The following CNNM4 variants were observed in gnomAD, a reference collection of about 807,000 sequenced individuals.
CNNM4 encodes the protein cyclin and CBS domain divalent metal cation transport mediator 4.
A neutral mutation model predicts 53.7 loss-of-function variants in CNNM4; 32 were observed. That is an observed-to-expected ratio of 0.60 (90% CI 0.45 to 0.80). The LOEUF is 0.80. Among genes scored for constraint, CNNM4 ranks in the 30% least tolerant of loss-of-function variants. The pLI, the probability that CNNM4 is intolerant of heterozygous loss-of-function variation, is 0.00. For synonymous variants in CNNM4, 410 were observed against 440.0 expected (o/e 0.93, Z 0.85); for missense variants, 784 against 1,022.0 (o/e 0.77, Z 3.17).
intron 1 of CNNM4, among the ~76,000 whole-genome samples, chr2:96,769,488 C>T (rs567193177): frequency 5.2e-4 from 77 of 149,156 alleles, no homozygotes; most frequent in Non-Finnish European, 1.1e-3. Flanking sequence ...TAGCTTGAAT[C>T]GGGAGGCGGA....
Position 96,797,280 on chromosome 2 carries a change from G to A in CNNM4, c.1546+125G>A. On this transcript the variant is annotated intron_variant, in intron 2 of 6. Coordinates refer to ENST00000377075, the MANE Select transcript of CNNM4 (RefSeq NM_020184.4). This position sits in a 1 kb window ranked among gnomAD's most constrained non-coding sequence, Gnocchi z 6.0. ...CTAGCATCCAGAGGCCCAGTGGCTG[G>A]GTGCCCTGCACTGGCCGGGGTGAGC... 6.9e-7 allele frequency: 1 copy of A among 1,444,600 alleles called. No homozygotes were observed. The highest frequency in any genetic ancestry group is 9.6e-7 in the Non-Finnish European group (1 of 1,043,460). 89.5% of individuals were successfully genotyped at this position (1,444,600 alleles called of 1,614,324 possible). A position where few individuals can be genotyped will look rare whatever the true frequency, so the allele number is the denominator to read the frequency against.
intron 1 of CNNM4, among the ~76,000 whole-genome samples, chr2:96,774,354 A>AC (rs750898964): frequency 5.3e-5 from 8 of 152,188 alleles, no homozygotes; most frequent in Non-Finnish European, 1.2e-4. Flanking sequence ...GTTTGAGGTT[A>AC]CATGAGCTAT....
Position 96,806,528 on chromosome 2 carries a change from C to A in CNNM4, c.1949-2033C>A, listed in dbSNP as rs1341553496. On this transcript the variant is annotated intron_variant, in intron 5 of 6. Transcript: ENST00000377075. ...TCCAACACACACACACACACACACA[C>A]ACACACACGCGCGCGCGCGCGCGCG... 5.0e-4 allele frequency among the ~76,000 whole-genome samples: 72 copies of A among 143,880 alleles called. 1 individual carries two copies. Among genetic ancestry groups the A allele is most frequent in the African/African-American group, 1.8e-3 (67 of 37,942 alleles). The allele number at this position is 143,880 out of a possible 152,430, so 94.4% of individuals were successfully genotyped here. A position where few individuals can be genotyped will look rare whatever the true frequency, so the allele number is the denominator to read the frequency against.
At chr2:96,793,697 C>T (rs952790987) in intron 1 of CNNM4, among the ~76,000 whole-genome samples, 1 of 152,232 alleles carries the variant, frequency 6.6e-6, no homozygotes, top group Non-Finnish European at 1.5e-5. Flanking sequence ...GGCGCGGTGG[C>T]TGACATCTGT....
intron 1 of CNNM4, among the ~76,000 whole-genome samples, chr2:96,774,318 G>T (rs2078904974): frequency 6.6e-6 from 1 of 152,142 alleles, no homozygotes; most frequent in Admixed American, 6.6e-5. Flanking sequence ...CCGCAACAAA[G>T]ATCTTTGGTC....
intron 1 of CNNM4, among the ~76,000 whole-genome samples, chr2:96,765,218 C>T (rs1185021174): frequency 6.7e-6 from 1 of 150,162 alleles, no homozygotes; most frequent in Non-Finnish European, 1.5e-5. Flanking sequence ...CCTCTACCTC[C>T]CGGGTTAAAG....
chr2:96,799,152 C>T lies in CNNM4; in HGVS notation c.1777C>T (p.His593Tyr). ...CATTCAGGAACTCAAGTTTGACGAG[C>T]ACAATAAGTACTACGCCCGCCATTA... ...DVIQELKFDE[H>Y]NKYYARHYLY... Residue 593 changes from histidine to tyrosine, a missense_variant, in exon 4 of 7, where the codon CAC becomes TAC. This residue lies in a region of CNNM4 where 307 missense variants were observed against 376.3 expected (regional missense o/e 0.82). Coordinates refer to ENST00000377075, the MANE Select transcript of CNNM4 (RefSeq NM_020184.4). 3 of 1,613,936 alleles carry T rather than the reference C, an allele frequency of 1.9e-6. No homozygotes were observed. Among genetic ancestry groups the T allele is most frequent in the Non-Finnish European group, 2.5e-6 (3 of 1,180,000 alleles).
intron 1 of CNNM4, among the ~76,000 whole-genome samples, chr2:96,775,256 C>A (rs2078914615): frequency 6.6e-6 from 1 of 152,040 alleles, no homozygotes; most frequent in Non-Finnish European, 1.5e-5. Context: ...TGCCCTGCTC[C>A]CTCAGTCATT....
At chr2:96,782,484 T>C (rs953003304) in intron 1 of CNNM4, among the ~76,000 whole-genome samples, 2 of 152,164 alleles carry the variant, frequency 1.3e-5, no homozygotes, top group African/African-American at 4.8e-5. Context: ...TTCCCGCTGT[T>C]AAACTGAAGA....
At position 96,808,646 on chromosome 2, in the gene CNNM4, C is replaced by G; in HGVS notation, c.2034C>G (p.Thr678=). The change falls in exon 6 of 7, where the codon ACC becomes ACG. Residue 678 remains threonine, a synonymous_variant. Coordinates refer to ENST00000377075, the MANE Select transcript of CNNM4 (RefSeq NM_020184.4). The surrounding 1 kb of genome is among the most constrained non-coding windows in gnomAD (Gnocchi z 4.9). ...GCACAGACGTCTCAACTGCAGCAAC[C>G]TTGGCAGGCAGCAGCAACCAGTTTG... is the stretch of plus-strand genomic sequence containing the variant. The part of the protein sequence containing the change: ...PDRTDVSTAA[T]LAGSSNQFGS... 6.2e-7 allele frequency: 1 copy of G among 1,614,178 alleles called. No homozygotes were observed. Among genetic ancestry groups the G allele is most frequent in the Non-Finnish European group, 8.5e-7 (1 of 1,180,032 alleles).
At chr2:96,771,879 T>G (rs1358708122) in intron 1 of CNNM4, among the ~76,000 whole-genome samples, 1 of 152,198 alleles carries the variant, frequency 6.6e-6, no homozygotes, top group Non-Finnish European at 1.5e-5. Context: ...GGCAGTGCTG[T>G]GCGCCTCTGC....
chr2:96,785,131 G>A (rs974995985), intron 1 of CNNM4, among the ~76,000 whole-genome samples: 2 of 152,218 alleles, frequency 1.3e-5, no homozygotes, highest in Non-Finnish European at 2.9e-5. Context: ...TCCTGCCTCA[G>A]CCTCCCAACG....
At chr2:96,773,878 G>C (rs1489472209) in intron 1 of CNNM4, among the ~76,000 whole-genome samples, 1 of 141,782 alleles carries the variant, frequency 7.1e-6, no homozygotes, top group Non-Finnish European at 1.6e-5. Flanking sequence ...AATATAGAAA[G>C]CTTATTAAAA....
chr2:96,808,787 A>T lies in CNNM4; in HGVS notation c.2130+45A>T, dbSNP rs1281361590. 7 of 1,588,580 alleles carry T rather than the reference A, an allele frequency of 4.4e-6. No homozygotes were observed. Among genetic ancestry groups the T allele is most frequent in the Non-Finnish European group, 6.0e-6 (7 of 1,157,408 alleles). ...GTCTGGGCAGTGCTATCTTCTGCTCAGGAATCAGCTACTACTTTCATCCAC... is the reference window on the plus strand; with the variant it reads ...GTCTGGGCAGTGCTATCTTCTGCTCTGGAATCAGCTACTACTTTCATCCAC... On this transcript the variant is annotated intron_variant, in intron 6 of 6. Transcript: ENST00000377075. The surrounding 1 kb of genome is among the most constrained non-coding windows in gnomAD (Gnocchi z 4.9).
chr2:96,785,140 C>T (rs374244966), intron 1 of CNNM4, among the ~76,000 whole-genome samples: 7 of 151,934 alleles, frequency 4.6e-5, no homozygotes, highest in Non-Finnish European at 8.8e-5. Context: ...AGCCTCCCAA[C>T]GTGCTGGGAT....
Position 96,799,234 on chromosome 2 carries a change from C to T in CNNM4, c.1851+8C>T, listed in dbSNP as rs372771561. ...TTCATCCTCATCCTGCAGGTGAGCC[C>T]GCTCAGCCCTGGGCCTGCCACCTGC... On this transcript the variant is annotated splice_region_variant and intron_variant, in intron 4 of 6. Coordinates refer to ENST00000377075, the MANE Select transcript of CNNM4 (RefSeq NM_020184.4). 102 of 1,614,034 alleles carry T rather than the reference C, an allele frequency of 6.3e-5. No homozygotes were observed. Among genetic ancestry groups the T allele is most frequent in the Non-Finnish European group, 7.5e-5 (89 of 1,180,012 alleles).
chr2:96,767,361 G>A (rs889331784), intron 1 of CNNM4, among the ~76,000 whole-genome samples: 6 of 152,090 alleles, frequency 3.9e-5, no homozygotes, highest in Admixed American at 6.6e-5. Flanking sequence ...CTTAAACCTC[G>A]CCTGGAACTG....
intron 1 of CNNM4, among the ~76,000 whole-genome samples, chr2:96,775,054 C>G (rs1020815425): frequency 7.5e-6 from 1 of 133,346 alleles, no homozygotes; most frequent in African/African-American, 2.7e-5. Context: ...AAAAAATGTA[C>G]TGTCAGTTTT....
intron 1 of CNNM4, 43 bp downstream of exon 1, chr2:96,762,444 GC>G: frequency 6.4e-7 from 1 of 1,561,178 alleles, no homozygotes; most frequent in Non-Finnish European, 8.8e-7. Context: ...TCCTCTTGAC[GC>G]CTCTTTTCCC....
Sources: allele counts gnomAD v4.1 joint callset (sites outside exome capture counted in the v4.1 genomes callset), GRCh38; gene constraint gnomAD v4.1.1; regional missense constraint gnomAD v4.1.1; non-coding constraint Gnocchi (gnomAD v3.1); transcripts MANE v1.5; gene names NCBI Gene and HGNC (gene_info 2026-07-23, HGNC 2026-07-21).